Variants in FMNL2 observed in about 807,000 individuals in gnomAD.
FMNL2 encodes formin like 2, also known as formin-like protein 2.
FMNL2 carries 51 observed loss-of-function variants against 130.2 expected under a neutral mutation model. The observed-to-expected ratio is 0.39, with a 90% confidence interval of 0.31 to 0.49. The LOEUF (loss-of-function observed/expected upper bound fraction) is 0.49, where lower values mean the gene tolerates loss of function less well. Among genes scored for constraint, FMNL2 ranks in the 20% least tolerant of loss-of-function variants. The probability of loss-of-function intolerance (pLI) is 0.85; values close to 1 mark genes in which losing one functional copy is unlikely to be tolerated. For missense variants in FMNL2, 977 were observed against 1,316.2 expected, an observed-to-expected ratio of 0.74 and a Z score of 3.99; for synonymous variants, 465 against 467.1, an observed-to-expected ratio of 1.00 and a Z score of 0.06.
intron 1 of FMNL2, among the ~76,000 whole-genome samples, chr2:152,492,403 C>T (rs548285327): frequency 1.3e-5 from 2 of 152,170 alleles, no homozygotes; most frequent in Non-Finnish European, 2.9e-5. Context: ...TAATGCTTTT[C>T]GGCAAGGAAA....
At chr2:152,419,809 C>G (rs562878386) in intron 1 of FMNL2, among the ~76,000 whole-genome samples, 16 of 152,050 alleles carry the variant, frequency 1.1e-4, no homozygotes, top group Middle Eastern at 3.4e-3. Context: ...TTTTGGAACT[C>G]TGGGGGAGCT....
intron 4 of FMNL2, among the ~76,000 whole-genome samples, chr2:152,552,533 G>GCAAAGCTTTGTCAAGCA: frequency 6.6e-6 from 1 of 152,268 alleles, no homozygotes; most frequent in South Asian, 2.1e-4. Flanking sequence ...GTCAAGCAAA[G>GCAAAGCTTTGTCAAGCA]GACTTCTTCT....
chr2:152,516,132 T>C (rs1342082231), intron 1 of FMNL2, among the ~76,000 whole-genome samples: 1 of 152,144 alleles, frequency 6.6e-6, no homozygotes, highest in African/African-American at 2.4e-5. Context: ...CGACAAGTAA[T>C]GGCTCCGGGG....
chr2:152,362,380 G>C (rs1335101393), intron 1 of FMNL2, among the ~76,000 whole-genome samples: 1 of 152,142 alleles, frequency 6.6e-6, no homozygotes, highest in African/African-American at 2.4e-5. Flanking sequence ...TTTAATTGTT[G>C]CTGAAACTTT....
chr2:152,408,090 G>C (rs1686089448), intron 1 of FMNL2, among the ~76,000 whole-genome samples: 1 of 152,156 alleles, frequency 6.6e-6, no homozygotes, highest in Non-Finnish European at 1.5e-5. Flanking sequence ...TTCTCTGGTA[G>C]GTGGATTAGT....
intron 1 of FMNL2, among the ~76,000 whole-genome samples, chr2:152,441,767 G>A (rs575124956): frequency 1.3e-5 from 2 of 150,338 alleles, no homozygotes; most frequent in African/African-American, 4.9e-5. Context: ...CCAGGGAGGC[G>A]GAGTTTGCAG....
chr2:152,636,765 G>A (rs1682646688), intron 22 of FMNL2, among the ~76,000 whole-genome samples, 175 bp downstream of exon 22: 1 of 152,140 alleles, frequency 6.6e-6, no homozygotes, highest in Non-Finnish European at 1.5e-5. Flanking sequence ...ATTCTTGGAA[G>A]GGCCCCGTCC....
intron 20 of FMNL2, among the ~76,000 whole-genome samples, chr2:152,630,679 C>G (rs1046384009): frequency 3.3e-5 from 5 of 152,154 alleles, no homozygotes; most frequent in African/African-American, 1.2e-4. Context: ...TCCAGCAGAT[C>G]ATGATCAGTT....
At chr2:152,402,006 CAT>C (rs1242465819) in intron 1 of FMNL2, among the ~76,000 whole-genome samples, 1 of 148,826 alleles carries the variant, frequency 6.7e-6, no homozygotes, top group Non-Finnish European at 1.5e-5. Context: ...CCCGGGCTCA[CAT>C]GCCATTCTCC....
chr2:152,485,717 G>C (rs1690786498), intron 1 of FMNL2, among the ~76,000 whole-genome samples: 1 of 152,154 alleles, frequency 6.6e-6, no homozygotes, highest in Non-Finnish European at 1.5e-5. Flanking sequence ...CTCCATGAAG[G>C]TGAAAGCCAG....
At chr2:152,473,968 A>T (rs1311725640) in intron 1 of FMNL2, among the ~76,000 whole-genome samples, 1 of 152,170 alleles carries the variant, frequency 6.6e-6, no homozygotes, top group African/African-American at 2.4e-5. Context: ...TCCACGTCCC[A>T]GGTTCAAACA....
intron 1 of FMNL2, among the ~76,000 whole-genome samples, chr2:152,366,732 G>A (rs1158839796): frequency 4.6e-5 from 7 of 152,200 alleles, no homozygotes; most frequent in African/African-American, 7.2e-5. Context: ...TTGGGAGGCC[G>A]AGGTGGGTGG....
At chr2:152,534,269 C>T (rs1231730248) in intron 2 of FMNL2, among the ~76,000 whole-genome samples, 1 of 152,140 alleles carries the variant, frequency 6.6e-6, no homozygotes, top group Non-Finnish European at 1.5e-5. Context: ...TCTTTAGCTC[C>T]TCCCATGCTA....
chr2:152,514,764 C>T (rs190924372), intron 1 of FMNL2, among the ~76,000 whole-genome samples: 29 of 152,316 alleles, frequency 1.9e-4, no homozygotes, highest in African/African-American at 6.7e-4. Flanking sequence ...TGTTCTCTCT[C>T]TCTCTCACAA....
chr2:152,637,736 T>C (rs1682746611), intron 23 of FMNL2, 62 bp downstream of exon 23: 7 of 1,467,126 alleles, frequency 4.8e-6, no homozygotes, highest in Non-Finnish European at 5.7e-6. Flanking sequence ...GAGATGTGTC[T>C]GAGTCCCAAC....
At chr2:152,385,189 T>C (rs559725310) in intron 1 of FMNL2, among the ~76,000 whole-genome samples, 66 of 152,366 alleles carry the variant, frequency 4.3e-4, no homozygotes, top group African/African-American at 1.6e-3. Flanking sequence ...CAACTCTTTT[T>C]GGTGCTAAAA....
intron 1 of FMNL2, among the ~76,000 whole-genome samples, chr2:152,466,716 G>A (rs1689566015): frequency 1.3e-5 from 2 of 152,104 alleles, no homozygotes; most frequent in South Asian, 4.1e-4. Flanking sequence ...GAAGACGGTG[G>A]CATATACTGC....
chr2:152,458,324 G>T (rs549387538), intron 1 of FMNL2, among the ~76,000 whole-genome samples: 29 of 152,264 alleles, frequency 1.9e-4, no homozygotes, highest in African/African-American at 7.0e-4. Flanking sequence ...GAACTCCATA[G>T]TGGGGTCCTT....
chr2:152,448,357 AGT>A (rs1477065667), intron 1 of FMNL2, among the ~76,000 whole-genome samples: 2 of 152,178 alleles, frequency 1.3e-5, no homozygotes, highest in Non-Finnish European at 2.9e-5. Context: ...TGCTTCTGAG[AGT>A]GTGTTCAAAG....
Sources: gnomAD v4.1 joint callset for allele counts (sites outside exome capture counted in the v4.1 genomes callset) on GRCh38, gnomAD v4.1.1 for gene constraint, MANE v1.5 for transcripts, NCBI Gene and HGNC (gene_info 2026-07-23, HGNC 2026-07-21) for gene names.